NCAM2: variants seen among roughly 807,000 people sequenced by gnomAD.
NCAM2 encodes the protein N-CAM-2.
NCAM2 carries 30 observed loss-of-function variants against 98.1 expected under a neutral mutation model. That is an observed-to-expected ratio of 0.31 (90% CI 0.23 to 0.41). The LOEUF (loss-of-function observed/expected upper bound fraction) is 0.41, where lower values mean the gene tolerates loss of function less well. NCAM2 is among the 10% of genes least tolerant of loss of function. The pLI is 1.00. For missense variants in NCAM2, 867 were observed against 1,005.8 expected (o/e 0.86, Z 1.87); for synonymous variants, 368 against 342.4 (o/e 1.07, Z -0.83).
At position 21,432,238 on chromosome 21, in the gene NCAM2, A is replaced by T. The variant is rs769245821; in HGVS notation, c.1611A>T (p.Val537=). Reference sequence around the variant, plus strand: ...ACTATCAGGTGGATGTCAAAGAAGTAGCGTCAGAAATCTGGAAAATTGTAC... The same window carrying T: ...ACTATCAGGTGGATGTCAAAGAAGTTGCGTCAGAAATCTGGAAAATTGTAC... The part of the protein sequence containing the change: ...IHHYQVDVKE[V]ASEIWKIVRS... Residue 537 remains valine, a synonymous_variant, in exon 12 of 18, where the codon GTA becomes GTT. Coordinates refer to ENST00000400546, the MANE Select transcript of NCAM2 (RefSeq NM_004540.5). 1.2e-6 allele frequency: 2 copies of T among 1,614,146 alleles called. No individual in the cohort carries two copies. Among genetic ancestry groups the T allele is most frequent in the Non-Finnish European group, 1.7e-6 (2 of 1,179,984 alleles).
intron 1 of NCAM2, among the ~76,000 whole-genome samples, chr21:21,188,572 T>C (rs532276112): frequency 2.0e-5 from 3 of 152,190 alleles, no homozygotes; most frequent in African/African-American, 7.2e-5. Flanking sequence ...ATTCTACTGA[T>C]GTCCCCTTAA....
chr21:21,331,510 T>TATATACATATATATATATATATA (rs1441524860), intron 6 of NCAM2, among the ~76,000 whole-genome samples: 3 of 1,060 alleles, frequency 2.8e-3, no homozygotes, highest in East Asian at 0.019. Flanking sequence ...CTCTATACTC[T>TATATACATATATATATATATATA]CTCTCTCTAT....
intron 1 of NCAM2, among the ~76,000 whole-genome samples, chr21:21,275,161 C>T (rs2072677074): frequency 6.6e-6 from 1 of 151,954 alleles, no homozygotes; most frequent in African/African-American, 2.4e-5. Context: ...TAAATTTGGA[C>T]CGGGCGCGGT....
intron 1 of NCAM2, among the ~76,000 whole-genome samples, chr21:21,229,008 CT>C (rs1436629512): frequency 1.3e-5 from 2 of 151,240 alleles, no homozygotes; most frequent in African/African-American, 2.4e-5. Context: ...TTAAGTTACT[CT>C]TTTCTGTATT....
At chr21:21,007,314 A>G (rs2064130409) in intron 1 of NCAM2, among the ~76,000 whole-genome samples, 1 of 152,162 alleles carries the variant, frequency 6.6e-6, no homozygotes, top group Non-Finnish European at 1.5e-5. Flanking sequence ...TGTTACCAGA[A>G]AGGGGTCCCA....
At chr21:21,483,576 T>TTATTTTAG (rs1986085576) in intron 15 of NCAM2, among the ~76,000 whole-genome samples, 1 of 151,934 alleles carries the variant, frequency 6.6e-6, no homozygotes, top group African/African-American at 2.4e-5. Context: ...ATGGCAAATA[T>TTATTTTAG]GAAAATATTA....
At chr21:21,163,802 A>G (rs1262890296) in intron 1 of NCAM2, among the ~76,000 whole-genome samples, 1 of 152,170 alleles carries the variant, frequency 6.6e-6, no homozygotes, top group Non-Finnish European at 1.5e-5. Context: ...TTGAAGTGAG[A>G]AAAACTTAAG....
At chr21:21,167,605 G>A (rs893040766) in intron 1 of NCAM2, among the ~76,000 whole-genome samples, 1 of 151,998 alleles carries the variant, frequency 6.6e-6, no homozygotes, top group African/African-American at 2.4e-5. Context: ...ATAGAAAAAA[G>A]AAACAGATGA....
At chr21:21,024,434 A>G (rs889277804) in intron 1 of NCAM2, among the ~76,000 whole-genome samples, 2 of 152,232 alleles carry the variant, frequency 1.3e-5, no homozygotes, top group East Asian at 1.9e-4. Flanking sequence ...AAAACATGCA[A>G]ACTATTTTAA....
intron 1 of NCAM2, among the ~76,000 whole-genome samples, chr21:21,099,589 A>C (rs983679306): frequency 2.6e-5 from 4 of 151,928 alleles, no homozygotes; most frequent in African/African-American, 7.2e-5. Context: ...AACAGACCCC[A>C]TAATTCAATT....
intron 1 of NCAM2, among the ~76,000 whole-genome samples, chr21:21,065,103 C>T (rs569709569): frequency 6.6e-6 from 1 of 151,836 alleles, no homozygotes; most frequent in South Asian, 2.1e-4. Flanking sequence ...TCGCTTGAAC[C>T]GGGGAGGCGG....
Position 21,504,749 on chromosome 21 carries a change from C to T in NCAM2, c.2078-4102C>T, listed in dbSNP as rs149933404. Among the ~76,000 whole-genome samples the T allele has an allele frequency of 8.8e-4, 133 of 151,598 alleles. 2 individuals carry two copies. The East Asian group carries it at 0.021, about 24-fold the overall frequency. ...ATAATATGTATATACATACATAGAA[C>T]ATAACTTTCAAAAGACAAAACTTAT... On this transcript the variant is annotated intron_variant, in intron 15 of 17. Transcript: ENST00000400546.
chr21:21,101,685 C>T (rs1381731660), intron 1 of NCAM2, among the ~76,000 whole-genome samples: 1 of 151,984 alleles, frequency 6.6e-6, no homozygotes, highest in East Asian at 1.9e-4. Flanking sequence ...AACCATTTCT[C>T]AAAAAGGTCA....
chr21:21,079,797 C>G (rs1240887628), intron 1 of NCAM2, among the ~76,000 whole-genome samples: 1 of 152,174 alleles, frequency 6.6e-6, no homozygotes, highest in African/African-American at 2.4e-5. Flanking sequence ...CCAGCTTACT[C>G]TAAGAGTCTG....
intron 1 of NCAM2, among the ~76,000 whole-genome samples, chr21:21,273,749 A>G (rs564840288): frequency 6.6e-6 from 1 of 152,256 alleles, no homozygotes; most frequent in East Asian, 1.9e-4. Context: ...TTTTAATATT[A>G]TTTGGTTATT....
intron 8 of NCAM2, 35 bp from the exon 9 acceptor site, chr21:21,373,828 T>C (rs2075973550): frequency 1.3e-6 from 2 of 1,543,636 alleles, no homozygotes; most frequent in Non-Finnish European, 1.7e-6. Context: ...CACACAAGCA[T>C]AAAATCTTTC....
At chr21:21,336,870 A>G (rs1430577442) in intron 7 of NCAM2, among the ~76,000 whole-genome samples, 1 of 152,194 alleles carries the variant, frequency 6.6e-6, no homozygotes, top group African/African-American at 2.4e-5. Flanking sequence ...TGTTTTGGAT[A>G]GCATAGTGTT....
chr21:21,410,593 C>A (rs1454412071), intron 10 of NCAM2, 132 bp downstream of exon 10: 1 of 483,210 alleles, frequency 2.1e-6, no homozygotes, highest in Non-Finnish European at 3.3e-6. Context: ...ATATATTTTA[C>A]AGTTATTTAC....
intron 1 of NCAM2, among the ~76,000 whole-genome samples, chr21:21,144,942 CAAATT>C (rs2067241842): frequency 6.6e-6 from 1 of 151,936 alleles, no homozygotes; most frequent in South Asian, 2.1e-4. Context: ...TTGTGAAAAG[CAAATT>C]AATATAGGAC....
Sources: allele counts gnomAD v4.1 joint callset (sites outside exome capture counted in the v4.1 genomes callset), GRCh38; gene constraint gnomAD v4.1.1; transcripts MANE v1.5; gene names NCBI Gene and HGNC (gene_info 2026-07-23, HGNC 2026-07-21).